Variants in OSTN observed in about 807,000 individuals in gnomAD.
OSTN encodes osteocrin.
Under a neutral mutation model 12.0 loss-of-function variants are expected in OSTN, and 9 were observed. That is an observed-to-expected ratio of 0.75 (90% CI 0.45 to 1.30). The LOEUF is 1.30. Ranked by LOEUF, OSTN falls within the 50% of genes most tolerant of loss-of-function variation. OSTN has a pLI of 0.00. For synonymous variants in OSTN, 59 were observed against 56.9 expected, an observed-to-expected ratio of 1.04 and a Z score of -0.16; for missense variants, 148 against 152.3, an observed-to-expected ratio of 0.97 and a Z score of 0.15.
At chr3:191,205,071 A>C (rs1714237705) in intron 1 of OSTN, among the ~76,000 whole-genome samples, 1 of 152,230 alleles carries the variant, frequency 6.6e-6, no homozygotes, top group Non-Finnish European at 1.5e-5. Flanking sequence ...TCACAGATAA[A>C]TTTATATCCT....
intron 3 of OSTN, among the ~76,000 whole-genome samples, chr3:191,235,282 T>G (rs1715161922): frequency 6.6e-6 from 1 of 152,186 alleles, no homozygotes; most frequent in African/African-American, 2.4e-5. Context: ...ACCATTCTTA[T>G]ATGTGACCCC....
At chr3:191,223,118 TTTAGAAAGTAC>T (rs1389056229) in intron 3 of OSTN, among the ~76,000 whole-genome samples, 1 of 152,206 alleles carries the variant, frequency 6.6e-6, no homozygotes, top group Non-Finnish European at 1.5e-5. Context: ...TAATAATTTC[TTTAGAAAGTAC>T]CATAATGAGA....
intron 3 of OSTN, among the ~76,000 whole-genome samples, chr3:191,241,472 A>C (rs925714657): frequency 1.3e-5 from 2 of 151,868 alleles, no homozygotes; most frequent in Non-Finnish European, 1.5e-5. Flanking sequence ...GCGTGAGCCA[A>C]CGCGCCTGGC....
chr3:191,255,071 C>T (rs1054098764), intron 4 of OSTN, among the ~76,000 whole-genome samples: 1 of 152,116 alleles, frequency 6.6e-6, no homozygotes, highest in African/African-American at 2.4e-5. Context: ...GACCAGGGGG[C>T]AGGGGAGGAA....
chr3:191,244,900 G>C (rs1483177437), intron 3 of OSTN, among the ~76,000 whole-genome samples: 1 of 151,896 alleles, frequency 6.6e-6, no homozygotes, highest in Non-Finnish European at 1.5e-5. Context: ...AAGTAATTAT[G>C]AATTTGTTGC....
chr3:191,225,825 A>T (rs1714895233), intron 3 of OSTN, among the ~76,000 whole-genome samples: 1 of 152,098 alleles, frequency 6.6e-6, no homozygotes, highest in South Asian at 2.1e-4. Context: ...AGGCTACAAA[A>T]GGTGGAAGGG....
intron 3 of OSTN, among the ~76,000 whole-genome samples, chr3:191,226,698 A>G (rs1490148393): frequency 2.6e-5 from 4 of 152,218 alleles, no homozygotes; most frequent in Non-Finnish European, 5.9e-5. Flanking sequence ...GATAGATCAG[A>G]AGAGAAATTC....
intron 3 of OSTN, among the ~76,000 whole-genome samples, chr3:191,225,213 CT>C (rs1447947894): frequency 6.6e-6 from 1 of 151,990 alleles, no homozygotes; most frequent in Non-Finnish European, 1.5e-5. Flanking sequence ...AATTCAGTAC[CT>C]TTAAAAATGA....
chr3:191,238,455 A>C (rs1715250485), intron 3 of OSTN, among the ~76,000 whole-genome samples: 2 of 152,176 alleles, frequency 1.3e-5, no homozygotes, highest in South Asian at 4.1e-4. Flanking sequence ...GGAAAAGTCA[A>C]TTATGCATTC....
chr3:191,201,342 GC>G (rs1714148699), intron 1 of OSTN, among the ~76,000 whole-genome samples: 1 of 151,896 alleles, frequency 6.6e-6, no homozygotes. Context: ...TTCTCTCTGA[GC>G]CTCACTTTCT....
Position 191,249,986 on chromosome 3 carries a change from G to T in OSTN, c.318-51G>T. On this transcript the variant is annotated intron_variant, in intron 3 of 4. Coordinates refer to ENST00000682035, the MANE Select transcript of OSTN (RefSeq NM_198184.2). ...ACATAAAATAAAGAACAAAAATAAT[G>T]ATCAATAACTTGCCCTTTAGTTTAA... is the stretch of plus-strand genomic sequence containing the variant. The T allele has an allele frequency of 2.2e-6, 3 of 1,348,444 alleles. No homozygotes were observed. The South Asian group carries it at 3.5e-5, about 16-fold the overall frequency. 83.5% of individuals were successfully genotyped at this position (1,348,444 alleles called of 1,614,324 possible).
chr3:191,253,316 G>T (rs774211827), intron 4 of OSTN, among the ~76,000 whole-genome samples: 2 of 152,080 alleles, frequency 1.3e-5, no homozygotes, highest in African/African-American at 2.4e-5. Flanking sequence ...TGGAAGTTTT[G>T]CTTCATTCGA....
chr3:191,247,879 G>C (rs1715469296), intron 3 of OSTN, among the ~76,000 whole-genome samples: 1 of 152,128 alleles, frequency 6.6e-6, no homozygotes, highest in Admixed American at 6.5e-5. Flanking sequence ...TGTCGCCCAG[G>C]TTTGAGGGCA....
intron 3 of OSTN, among the ~76,000 whole-genome samples, chr3:191,220,390 T>C (rs1359310478): frequency 6.6e-6 from 1 of 152,188 alleles, no homozygotes; most frequent in Non-Finnish European, 1.5e-5. Context: ...GGTACTATGT[T>C]AGGTTCTGGT....
intron 2 of OSTN, among the ~76,000 whole-genome samples, chr3:191,215,034 C>A (rs1319143278): frequency 1.3e-5 from 2 of 152,074 alleles, no homozygotes; most frequent in African/African-American, 4.8e-5. Flanking sequence ...CAAAAAACTG[C>A]CCAAGACTAG....
At chr3:191,253,225 G>C (rs1715599303) in intron 4 of OSTN, among the ~76,000 whole-genome samples, 1 of 152,132 alleles carries the variant, frequency 6.6e-6, no homozygotes, top group Admixed American at 6.5e-5. Flanking sequence ...ATTTACTTTT[G>C]GAGCAGGTTT....
intron 3 of OSTN, among the ~76,000 whole-genome samples, chr3:191,245,845 C>T (rs1018717744): frequency 3.3e-5 from 5 of 151,408 alleles, no homozygotes; most frequent in Middle Eastern, 6.9e-3. Flanking sequence ...GCGGGTGGAT[C>T]GCCTGAGGTC....
intron 3 of OSTN, among the ~76,000 whole-genome samples, chr3:191,244,761 T>C (rs1715392595): frequency 6.6e-6 from 1 of 150,718 alleles, no homozygotes; most frequent in Admixed American, 6.6e-5. Context: ...ATTATTTTTA[T>C]TTTGTATTAG....
At chr3:191,226,626 A>G (rs771183652) in intron 3 of OSTN, among the ~76,000 whole-genome samples, 5 of 152,216 alleles carry the variant, frequency 3.3e-5, no homozygotes, top group African/African-American at 7.2e-5. Context: ...ACTCTGCAAA[A>G]AAGAGCCCTA....
Sources: allele counts gnomAD v4.1 joint callset (sites outside exome capture counted in the v4.1 genomes callset), GRCh38; gene constraint gnomAD v4.1.1; transcripts MANE v1.5; gene names NCBI Gene and HGNC (gene_info 2026-07-23, HGNC 2026-07-21).